SATL1: variants seen among roughly 807,000 people sequenced by gnomAD.
The protein encoded by SATL1 is spermidine/spermine N(1)-acetyltransferase-like protein 1.
SATL1 carries 47 observed loss-of-function variants against 51.8 expected under a neutral mutation model. The observed-to-expected ratio is 0.91, with a 90% CI of 0.72 to 1.16. SATL1 has a LOEUF of 1.16. Ranked by LOEUF, SATL1 falls within the 50% of genes most tolerant of loss-of-function variation. SATL1 has a pLI of 0.00. For missense variants in SATL1, 520 were observed against 526.4 expected, an observed-to-expected ratio of 0.99 and a Z score of 0.12; for synonymous variants, 176 against 182.4, an observed-to-expected ratio of 0.97 and a Z score of 0.28.
chrX:85,195,815 TA>T (rs1927546324), intron 2 of SATL1, among the ~76,000 whole-genome samples: 1 of 109,716 alleles, frequency 9.1e-6, no homozygotes, highest in African/African-American at 3.3e-5. Flanking sequence ...ATAATAATAA[TA>T]ATAATATTAG....
intron 4 of SATL1, among the ~76,000 whole-genome samples, chrX:85,103,636 C>G (rs1281675136): frequency 9.0e-6 from 1 of 111,597 alleles, no homozygotes; most frequent in Non-Finnish European, 1.9e-5. Flanking sequence ...TTCTGAAAAC[C>G]AGCTGAAGTC....
Position 85,109,211 on chromosome X carries a change from C to A in SATL1, c.-243G>T. On this transcript the variant is annotated 5_prime_UTR_variant, in exon 3 of 8. Coordinates refer to ENST00000644105, the MANE Select transcript of SATL1 (RefSeq NM_001367857.2). ...GAAGATTATTAATGCCTCCGGTTTG[C>A]TGGAGTTGACTTCACCAGCGACCAC... The A allele has an allele frequency of 2.5e-6, 1 of 397,929 alleles. No individual in the cohort carries two copies. The highest frequency in any genetic ancestry group is 4.3e-6 in the Non-Finnish European group (1 of 229,921). The allele number at this position is 397,929 out of a possible 1,213,427, so 32.8% of individuals were successfully genotyped here.
intron 2 of SATL1, among the ~76,000 whole-genome samples, chrX:85,120,768 G>A (rs191196320): frequency 2.7e-5 from 3 of 111,706 alleles, no homozygotes; most frequent in East Asian, 5.6e-4. Context: ...TCATCTATGA[G>A]CCTTTCTATT....
chrX:85,107,353 C>G lies in SATL1; in HGVS notation c.1616G>C (p.Cys539Ser). The G allele has an allele frequency of 8.3e-7, 1 of 1,211,426 alleles. No individual in the cohort carries two copies. Among genetic ancestry groups the G allele is most frequent in the East Asian group, 3.0e-5 (1 of 33,833 alleles). Residue 539 changes from cysteine to serine, a missense_variant, in exon 3 of 8, where the codon TGC becomes TCC. Physicochemically the swap from Cys to Ser is moderately radical, Grantham distance 112 (BLOSUM62 -1). Transcript: ENST00000644105. Reference protein sequence around the residue: ...FQIRHAEAGDCPEILRLIKEL... With the variant: ...FQIRHAEAGDSPEILRLIKEL... ...TTTAATCAGTCGCAAAATTTCTGGG[C>G]AGTCTCCAGCCTCTGCATGTCTTAT...
intron 2 of SATL1, among the ~76,000 whole-genome samples, chrX:85,188,279 TG>T (rs1927357831): frequency 1.8e-5 from 2 of 111,490 alleles, no homozygotes; most frequent in South Asian, 7.5e-4. Flanking sequence ...CAAGCTAATA[TG>T]GGGTTTAAGG....
chrX:85,241,764 C>A (rs1928599708), intron 1 of SATL1, among the ~76,000 whole-genome samples: 1 of 111,669 alleles, frequency 9.0e-6, no homozygotes, highest in Non-Finnish European at 1.9e-5. Flanking sequence ...TTTTGTTATG[C>A]AAGTGAATTC....
intron 4 of SATL1, among the ~76,000 whole-genome samples, chrX:85,095,307 G>C (rs999049315): frequency 9.0e-6 from 1 of 111,463 alleles, no homozygotes; most frequent in Middle Eastern, 4.7e-3. Flanking sequence ...TGGAGCAAGG[G>C]TGACCAATAA....
chrX:85,168,154 G>A (rs1157804829), intron 2 of SATL1, among the ~76,000 whole-genome samples: 1 of 111,187 alleles, frequency 9.0e-6, no homozygotes, highest in African/African-American at 3.3e-5. Flanking sequence ...AGAGCCATAT[G>A]TAACAAACCC....
intron 2 of SATL1, among the ~76,000 whole-genome samples, chrX:85,161,442 C>A (rs1343513012): frequency 4.8e-5 from 5 of 104,566 alleles, no homozygotes; most frequent in Non-Finnish European, 7.8e-5. Context: ...CACACACAGG[C>A]TCAAAATAAA....
In SATL1 at chrX:85,186,699, G is replaced by T. The variant is rs967476487; in HGVS notation, c.-313+37506C>A. 2.7e-5 allele frequency among the ~76,000 whole-genome samples: 3 copies of T among 111,982 alleles called. No homozygotes were observed. The East Asian group carries it at 8.5e-4, about 32-fold the overall frequency. On this transcript the variant is annotated intron_variant, in intron 2 of 7. Transcript: ENST00000644105. ...TTTCTTTCTTCAGCATATGGTAGCT[G>T]CTGCAGGAATCCTGGATGGGTGGTG...
At position 85,109,153 on chromosome X, in the gene SATL1, G is replaced by C; in HGVS notation, c.-185C>G. On this transcript the variant is annotated 5_prime_UTR_variant, in exon 3 of 8. Coordinates refer to ENST00000644105, the MANE Select transcript of SATL1 (RefSeq NM_001367857.2). The stretch of plus-strand genomic sequence containing the variant: ...CCACTTTGAGATACCCCTCTATCAA[G>C]GTGGGAATTGGAAAAAGAGAGGAGC... 2.2e-6 allele frequency: 1 copy of C among 448,593 alleles called. No individual in the cohort carries two copies. The highest frequency in any genetic ancestry group is 3.8e-6 in the Non-Finnish European group (1 of 263,543). The allele number at this position is 448,593 out of a possible 1,213,427, so 37.0% of individuals were successfully genotyped here. A position where few individuals can be genotyped will look rare whatever the true frequency, so the allele number is the denominator to read the frequency against.
chrX:85,156,715 C>G (rs764994707), intron 2 of SATL1, among the ~76,000 whole-genome samples: 21 of 103,897 alleles, frequency 2.0e-4, no homozygotes, highest in Non-Finnish European at 2.7e-4. Flanking sequence ...CTAAGGCAGC[C>G]TTGGGGAAAG....
intron 2 of SATL1, among the ~76,000 whole-genome samples, chrX:85,156,861 ATATAT>A (rs1569238915): frequency 1.4e-4 from 6 of 44,269 alleles, no homozygotes; most frequent in Admixed American, 6.4e-4. Flanking sequence ...ATATATATAT[ATATAT>A]ATAAAATATG....
chrX:85,137,379 T>C (rs1412742177), intron 2 of SATL1, among the ~76,000 whole-genome samples: 1 of 111,482 alleles, frequency 9.0e-6, no homozygotes, highest in Non-Finnish European at 1.9e-5. Flanking sequence ...TTTCATGCTC[T>C]TCATCTCTAT....
chrX:85,213,973 G>A (rs1927983715), intron 2 of SATL1, among the ~76,000 whole-genome samples: 1 of 111,251 alleles, frequency 9.0e-6, no homozygotes, highest in African/African-American at 3.3e-5. Context: ...AAGCTGGCCG[G>A]TCTTAAATGT....
At chrX:85,186,276 C>G (rs774352689) in intron 2 of SATL1, among the ~76,000 whole-genome samples, 36 of 107,218 alleles carry the variant, frequency 3.4e-4, no homozygotes, top group African/African-American at 1.2e-3. Flanking sequence ...GAAGGAGTCT[C>G]TCTCAGACCT....
chrX:85,102,235 C>G (rs1175928441), intron 4 of SATL1, among the ~76,000 whole-genome samples: 1 of 96,295 alleles, frequency 1.0e-5, no homozygotes, highest in African/African-American at 4.0e-5. Context: ...CTTCCCCCCT[C>G]CCCCCACCCC....
chrX:85,106,500 AC>A (rs1463627731), intron 3 of SATL1, among the ~76,000 whole-genome samples: 4 of 112,261 alleles, frequency 3.6e-5, no homozygotes, highest in Non-Finnish European at 7.5e-5. Flanking sequence ...ATTACAAAAC[AC>A]TTATGAGGGC....
rs1925198403 is a variant in SATL1 at position 85,109,292 on chromosome X, G to A, written c.-312-12C>T. Reference sequence around the variant, plus strand: ...CATCTGGCCTTTCCCTGCCAAAAGGGGGGAAGTAAAGGGAAGACGAAAATG... The same window carrying A: ...CATCTGGCCTTTCCCTGCCAAAAGGAGGGAAGTAAAGGGAAGACGAAAATG... On this transcript the variant is annotated splice_polypyrimidine_tract_variant and intron_variant, in intron 2 of 7. Coordinates refer to ENST00000644105, the MANE Select transcript of SATL1 (RefSeq NM_001367857.2). 3.2e-6 allele frequency: 1 copy of A among 313,596 alleles called. No individual in the cohort carries two copies. The highest frequency in any genetic ancestry group is 5.3e-5 in the Admixed American group (1 of 18,745). 25.8% of individuals were successfully genotyped at this position (313,596 alleles called of 1,213,427 possible). A position where few individuals can be genotyped will look rare whatever the true frequency, so the allele number is the denominator to read the frequency against.
Sources: gnomAD v4.1 joint callset for allele counts (sites outside exome capture counted in the v4.1 genomes callset) on GRCh38, gnomAD v4.1.1 for gene constraint, MANE v1.5 for transcripts, NCBI Gene and HGNC (gene_info 2026-07-23, HGNC 2026-07-21) for gene names.